Variants in FNDC3B observed in about 807,000 individuals in gnomAD.
FNDC3B encodes fibronectin type III domain-containing protein 3B.
FNDC3B carries 12 observed loss-of-function variants against 151.5 expected under a neutral mutation model. The ratio of observed to expected loss-of-function variants is 0.08; its 90% CI spans 0.05 to 0.13. FNDC3B has a LOEUF of 0.13. Among genes scored for constraint, FNDC3B ranks in the 10% least tolerant of loss-of-function variants. The pLI is 1.00. For synonymous variants in FNDC3B, 528 were observed against 549.0 expected, an observed-to-expected ratio of 0.96 and a Z score of 0.54; for missense variants, 1,214 against 1,505.3, an observed-to-expected ratio of 0.81 and a Z score of 3.20.
intron 6 of FNDC3B, among the ~76,000 whole-genome samples, chr3:172,253,559 CA>C (rs1263656274): frequency 7.2e-5 from 11 of 152,182 alleles, no homozygotes; most frequent in Admixed American, 7.2e-4. Context: ...GCCCCGGAAA[CA>C]GACTTCTTAA....
chr3:172,059,664 T>A (rs1717093629), intron 1 of FNDC3B, among the ~76,000 whole-genome samples: 1 of 152,208 alleles, frequency 6.6e-6, no homozygotes. Flanking sequence ...GTTAGGCGTA[T>A]TGTTTATTTT....
At chr3:172,257,813 G>A (rs530435752) in intron 6 of FNDC3B, among the ~76,000 whole-genome samples, 19 of 152,278 alleles carry the variant, frequency 1.2e-4, no homozygotes, top group African/African-American at 3.9e-4. Flanking sequence ...CTGAATACAG[G>A]CTGTGTAGGT....
At chr3:172,088,029 T>A (rs1718638463) in intron 1 of FNDC3B, among the ~76,000 whole-genome samples, 1 of 152,122 alleles carries the variant, frequency 6.6e-6, no homozygotes, top group African/African-American at 2.4e-5. Flanking sequence ...TTTTTCAGAG[T>A]AAGTCATATG....
chr3:172,347,325 C>T lies in FNDC3B; in HGVS notation c.2478C>T (p.Asp826=), dbSNP rs1321886190. 6.2e-7 allele frequency: 1 copy of T among 1,614,014 alleles called. No individual in the cohort carries two copies. The highest frequency in any genetic ancestry group is 1.7e-5 in the Admixed American group (1 of 60,020). The change falls in exon 21 of 26, where the codon GAC becomes GAT. Residue 826 remains aspartate, a synonymous_variant. Transcript: ENST00000415807. ...HGTDTRFEIR[D]LLPAAQYCCR... ...CAGACACCCGTTTTGAAATAAGAGA[C>T]CTGTTGCCTGCTGCACAGTATTGCT...
chr3:172,168,095 C>A (rs528418019), intron 3 of FNDC3B, among the ~76,000 whole-genome samples: 14 of 152,328 alleles, frequency 9.2e-5, no homozygotes, highest in South Asian at 6.2e-4. Context: ...TGACTGTATT[C>A]TTTGGCAGCT....
intron 6 of FNDC3B, among the ~76,000 whole-genome samples, chr3:172,255,457 AT>A (rs1245846319): frequency 2.6e-5 from 4 of 152,106 alleles, no homozygotes; most frequent in Admixed American, 6.5e-5. Context: ...TTTAGTAGAG[AT>A]GGCGTTTCAC....
intron 6 of FNDC3B, among the ~76,000 whole-genome samples, chr3:172,274,042 C>G (rs1729325480): frequency 6.6e-6 from 1 of 152,204 alleles, no homozygotes; most frequent in African/African-American, 2.4e-5. Flanking sequence ...CCTCAGTGTT[C>G]TAGCCTCAGA....
At chr3:172,070,023 G>A (rs2108485313) in intron 1 of FNDC3B, among the ~76,000 whole-genome samples, 1 of 152,250 alleles carries the variant, frequency 6.6e-6, no homozygotes, top group African/African-American at 2.4e-5. Context: ...CAAATAAAGG[G>A]AGAAGTCAAG....
chr3:172,075,519 C>T (rs960079482), intron 1 of FNDC3B, among the ~76,000 whole-genome samples: 6 of 152,080 alleles, frequency 3.9e-5, no homozygotes, highest in Non-Finnish European at 7.4e-5. Flanking sequence ...CCGATTCCTT[C>T]TAAAAGCTGA....
chr3:172,105,384 A>G (rs1448663013), intron 1 of FNDC3B, among the ~76,000 whole-genome samples: 1 of 152,178 alleles, frequency 6.6e-6, no homozygotes, highest in East Asian at 1.9e-4. Flanking sequence ...ATTGGAAGCC[A>G]TTTAGAAACT....
At chr3:172,331,040 A>G (rs984726234) in intron 13 of FNDC3B, among the ~76,000 whole-genome samples, 2 of 152,226 alleles carry the variant, frequency 1.3e-5, no homozygotes, top group Non-Finnish European at 2.9e-5. Context: ...TGAGCCACTC[A>G]TCTCACCTGT....
At chr3:172,220,296 T>C (rs1243767983) in intron 3 of FNDC3B, among the ~76,000 whole-genome samples, 1 of 152,148 alleles carries the variant, frequency 6.6e-6, no homozygotes. Flanking sequence ...GTGCATGTGT[T>C]TGTGTGTTGG....
chr3:172,283,945 G>A (rs936760407), intron 6 of FNDC3B, among the ~76,000 whole-genome samples: 5 of 144,824 alleles, frequency 3.5e-5, no homozygotes, highest in African/African-American at 1.4e-4. Flanking sequence ...TCAAAACCAT[G>A]ATATTACCAC....
intron 6 of FNDC3B, among the ~76,000 whole-genome samples, chr3:172,269,427 TA>T (rs34879174): frequency 0.4 from 55,879 of 141,370 alleles, 10,596 homozygotes; most frequent in African/African-American, 0.52. Flanking sequence ...GCTGGCTAAT[TA>T]AAAAAAATTT....
At chr3:172,097,536 CATT>C (rs1376980297) in intron 1 of FNDC3B, among the ~76,000 whole-genome samples, 5 of 152,124 alleles carry the variant, frequency 3.3e-5, no homozygotes, top group Admixed American at 6.5e-5. Flanking sequence ...TAACTTATAT[CATT>C]ATACAAATTA....
chr3:172,176,024 C>G (rs1723575871), intron 3 of FNDC3B, among the ~76,000 whole-genome samples: 1 of 152,204 alleles, frequency 6.6e-6, no homozygotes, highest in Non-Finnish European at 1.5e-5. Context: ...TGTGCAAGCC[C>G]CACTTGGCTA....
chr3:172,354,869 CTTTT>C (rs770411626), intron 22 of FNDC3B, among the ~76,000 whole-genome samples: 1 of 129,098 alleles, frequency 7.7e-6, no homozygotes, highest in Non-Finnish European at 1.7e-5. Flanking sequence ...GTTTGATTTT[CTTTT>C]TTTTTTTTTT....
chr3:172,340,317 ACT>A (rs1427969834), intron 16 of FNDC3B, among the ~76,000 whole-genome samples: 1 of 129,882 alleles, frequency 7.7e-6, no homozygotes, highest in Non-Finnish European at 1.6e-5. Flanking sequence ...AGAGAGTTTC[ACT>A]CTGTCGCCCA....
chr3:172,173,705 C>T (rs1723399467), intron 3 of FNDC3B, among the ~76,000 whole-genome samples: 1 of 151,684 alleles, frequency 6.6e-6, no homozygotes, highest in African/African-American at 2.4e-5. Context: ...CCTGTAGTCC[C>T]AGCTACTCAG....
Sources: allele counts gnomAD v4.1 joint callset (sites outside exome capture counted in the v4.1 genomes callset), GRCh38; gene constraint gnomAD v4.1.1; transcripts MANE v1.5; gene names NCBI Gene and HGNC (gene_info 2026-07-23, HGNC 2026-07-21).